The following ATP6V1E1 variants were observed in gnomAD, a reference collection of about 807,000 sequenced individuals.
ATP6V1E1 encodes V-type proton ATPase subunit E 1.
In ATP6V1E1, 21 loss-of-function variants were observed where a neutral mutation model predicts 35.2. The ratio of observed to expected loss-of-function variants is 0.60; its 90% CI spans 0.42 to 0.86. The LOEUF (loss-of-function observed/expected upper bound fraction) is 0.86. Among genes scored for constraint, ATP6V1E1 ranks in the 40% least tolerant of loss-of-function variants. ATP6V1E1 has a pLI of 0.00. For synonymous variants in ATP6V1E1, 83 were observed against 87.8 expected (o/e 0.95, Z 0.30); for missense variants, 183 against 272.6 (o/e 0.67, Z 2.32).
chr22:17,628,647 T>G lies in ATP6V1E1; in HGVS notation c.-12A>C. 1 of 1,614,136 alleles carries G rather than the reference T, an allele frequency of 6.2e-7. No homozygotes were observed. The highest frequency in any genetic ancestry group is 1.3e-5 in the African/African-American group (1 of 75,054). Reference sequence around the variant, plus strand: ...TCGCTGAGAGCCATGGCGAGAGCAATGCTAGGCCGGTGAACAGTAGGCTCG... The same window carrying G: ...TCGCTGAGAGCCATGGCGAGAGCAAGGCTAGGCCGGTGAACAGTAGGCTCG... On this transcript the variant is annotated 5_prime_UTR_variant, in exon 1 of 9. Coordinates refer to ENST00000253413, the MANE Select transcript of ATP6V1E1 (RefSeq NM_001696.4).
chr22:17,616,708 T>A (rs2057847312), intron 2 of ATP6V1E1, among the ~76,000 whole-genome samples: 1 of 148,942 alleles, frequency 6.7e-6, no homozygotes, highest in Non-Finnish European at 1.5e-5. Context: ...GAAATGCATT[T>A]CCTGAAATAA....
chr22:17,596,221 C>G (rs1240881622), intron 7 of ATP6V1E1, among the ~76,000 whole-genome samples: 6 of 152,156 alleles, frequency 3.9e-5, no homozygotes, highest in Non-Finnish European at 8.8e-5. Context: ...GGGCTCACTA[C>G]TATGGTTTGA....
intron 7 of ATP6V1E1, chr22:17,594,827 G>A (rs570254368): frequency 1.3e-4 from 49 of 376,030 alleles, no homozygotes; most frequent in Non-Finnish European, 2.2e-4. Flanking sequence ...TCCATTATAT[G>A]AAACAGCGTA....
intron 4 of ATP6V1E1, among the ~76,000 whole-genome samples, chr22:17,604,543 G>GTTTTTT (rs2057775960): frequency 1.1e-5 from 1 of 88,214 alleles, no homozygotes. Context: ...TTTTTGAGAC[G>GTTTTTT]GAGTCTCGCT....
intron 1 of ATP6V1E1, 95 bp from the exon 2 acceptor site, chr22:17,619,621 C>T: frequency 9.1e-7 from 1 of 1,093,574 alleles, no homozygotes; most frequent in Non-Finnish European, 1.3e-6. Context: ...TGCAGTGGCT[C>T]ACGCCCGTAA....
At chr22:17,596,785 A>AT (rs765210990) in intron 7 of ATP6V1E1, among the ~76,000 whole-genome samples, 8 of 152,078 alleles carry the variant, frequency 5.3e-5, no homozygotes, top group Non-Finnish European at 1.2e-4. Flanking sequence ...CACATGTACT[A>AT]TCTCATCTTT....
intron 3 of ATP6V1E1, 72 bp from the exon 4 acceptor site, chr22:17,612,950 C>A: frequency 7.1e-7 from 1 of 1,416,052 alleles, no homozygotes; most frequent in African/African-American, 1.4e-5. Flanking sequence ...AACTCCTGGG[C>A]TCAAGCAATC....
At chr22:17,618,681 CA>C (rs796136446) in intron 2 of ATP6V1E1, among the ~76,000 whole-genome samples, 685 of 72,250 alleles carry the variant, frequency 9.5e-3, no homozygotes, top group African/African-American at 0.023. Context: ...GACTCCATCT[CA>C]AAAAAAAAAA....
chr22:17,602,863 C>G (rs1285000452), intron 4 of ATP6V1E1, among the ~76,000 whole-genome samples: 3 of 152,184 alleles, frequency 2.0e-5, no homozygotes, highest in Non-Finnish European at 4.4e-5. Context: ...CATACTTTCA[C>G]TCATTTATAA....
chr22:17,605,693 C>CTTTTTTT (rs3044548), intron 4 of ATP6V1E1, among the ~76,000 whole-genome samples: 21 of 103,998 alleles, frequency 2.0e-4, no homozygotes, highest in African/African-American at 7.0e-4. Flanking sequence ...AGATGTTTCT[C>CTTTTTTT]TTTTTTTTTT....
chr22:17,616,696 AAG>A (rs1470172237), intron 2 of ATP6V1E1, among the ~76,000 whole-genome samples: 1 of 151,304 alleles, frequency 6.6e-6, no homozygotes, highest in Non-Finnish European at 1.5e-5. Context: ...AAAAAAAAAA[AAG>A]AAATGCATTT....
At chr22:17,601,763 C>T (rs565427348) in intron 4 of ATP6V1E1, among the ~76,000 whole-genome samples, 13 of 152,344 alleles carry the variant, frequency 8.5e-5, no homozygotes, top group African/African-American at 2.6e-4. Context: ...CCCACCACCA[C>T]GCCCAGCTAA....
intron 1 of ATP6V1E1, among the ~76,000 whole-genome samples, chr22:17,625,767 G>T (rs1568896417): frequency 6.6e-6 from 1 of 151,846 alleles, no homozygotes; most frequent in African/African-American, 2.4e-5. Context: ...CAAGGATTCT[G>T]ATTTGTTAGT....
At chr22:17,610,139 T>C (rs2057808321) in intron 4 of ATP6V1E1, among the ~76,000 whole-genome samples, 1 of 152,088 alleles carries the variant, frequency 6.6e-6, no homozygotes, top group South Asian at 2.1e-4. Context: ...AAAAATTCCT[T>C]CTAAAAGCCA....
chr22:17,626,718 C>T (rs573631155), intron 1 of ATP6V1E1, among the ~76,000 whole-genome samples: 64 of 152,194 alleles, frequency 4.2e-4, no homozygotes, highest in African/African-American at 1.4e-3. Flanking sequence ...TTAGTAGAGA[C>T]AGGGTTTTGC....
intron 1 of ATP6V1E1, among the ~76,000 whole-genome samples, chr22:17,626,273 A>C (rs1291805106): frequency 1.4e-5 from 2 of 142,402 alleles, no homozygotes; most frequent in Non-Finnish European, 3.0e-5. Flanking sequence ...ATGCCACTGC[A>C]CTCCAGCCTG....
At chr22:17,594,415 G>C (rs1008797801) in intron 8 of ATP6V1E1, 114 bp downstream of exon 8, 8 of 844,292 alleles carry the variant, frequency 9.5e-6, no homozygotes, top group Non-Finnish European at 1.2e-5. Context: ...TTGAGAAAAT[G>C]TCCAAAACTG....
intron 8 of ATP6V1E1, 28 bp downstream of exon 8, chr22:17,594,501 A>G: frequency 6.7e-7 from 1 of 1,495,826 alleles, no homozygotes; most frequent in Non-Finnish European, 9.0e-7. Flanking sequence ...ACAGCAGACC[A>G]ACTACCAAGA....
At position 17,624,225 on chromosome 22, in the gene ATP6V1E1, T is replaced by C. The variant is rs578052126; in HGVS notation, c.33+4378A>G. Among the ~76,000 whole-genome samples the C allele has an allele frequency of 1.5e-4, 23 of 152,312 alleles. No homozygotes were observed. In the South Asian group the frequency reaches 3.1e-3, roughly 21 times the overall value. ...AGCTTTCATGTAGCATGAAGGATTA[T>C]AGGAAATAGACAAGATTCCTTCTTT... On this transcript the variant is annotated intron_variant, in intron 1 of 8. Coordinates refer to ENST00000253413, the MANE Select transcript of ATP6V1E1 (RefSeq NM_001696.4).
Sources: gnomAD v4.1 joint callset for allele counts (sites outside exome capture counted in the v4.1 genomes callset) on GRCh38, gnomAD v4.1.1 for gene constraint, MANE v1.5 for transcripts, NCBI Gene and HGNC (gene_info 2026-07-23, HGNC 2026-07-21) for gene names.